Variants in ANKRD11 observed in about 807,000 individuals in gnomAD.
ANKRD11 encodes the protein ankyrin repeat domain 11.
In ANKRD11, 17 loss-of-function variants were observed where a neutral mutation model predicts 195.7. That is an observed-to-expected ratio of 0.09 (90% CI 0.06 to 0.13). The LOEUF (loss-of-function observed/expected upper bound fraction) is 0.13, where lower values mean the gene tolerates loss of function less well. ANKRD11 is among the 10% of genes least tolerant of loss of function. ANKRD11 has a pLI of 1.00. For missense variants in ANKRD11, 3,735 were observed against 3,566.1 expected (o/e 1.05, Z -1.21); for synonymous variants, 1,953 against 1,528.1 (o/e 1.28, Z -6.49).
intron 4 of ANKRD11, chr16:89,299,258 A>C (rs139089952): frequency 5.5e-6 from 1 of 181,582 alleles, no homozygotes; most frequent in Admixed American, 6.0e-5. Flanking sequence ...CTGGGAGGAG[A>C]TCTACAGGGG....
chr16:89,378,772 G>C (rs928117812), intron 2 of ANKRD11, among the ~76,000 whole-genome samples: 3 of 152,226 alleles, frequency 2.0e-5, no homozygotes, highest in African/African-American at 4.8e-5. Context: ...TTTTAGTAGA[G>C]ACGGGGTTTC....
intron 2 of ANKRD11, among the ~76,000 whole-genome samples, chr16:89,333,307 C>T (rs1338656639): frequency 6.6e-6 from 1 of 152,176 alleles, no homozygotes; most frequent in Non-Finnish European, 1.5e-5. Flanking sequence ...CCCCTGCACC[C>T]CCGGGCTCAG....
At chr16:89,407,487 G>A (rs184406187) in intron 2 of ANKRD11, among the ~76,000 whole-genome samples, 5 of 152,152 alleles carry the variant, frequency 3.3e-5, no homozygotes, top group African/African-American at 7.2e-5. Flanking sequence ...CGTTCGCCTC[G>A]TCAGGGCTGT....
intron 2 of ANKRD11, among the ~76,000 whole-genome samples, chr16:89,359,798 AAAGAT>A (rs2039651833): frequency 6.6e-6 from 1 of 152,224 alleles, no homozygotes; most frequent in Non-Finnish European, 1.5e-5. Flanking sequence ...TGTGATGCAG[AAAGAT>A]AAGATAGTTT....
Position 89,279,010 on chromosome 16 carries a change from C to G in ANKRD11, c.7470+62G>C. The G allele has an allele frequency of 6.2e-7, 1 of 1,601,068 alleles. No individual in the cohort carries two copies. Among genetic ancestry groups the G allele is most frequent in the Non-Finnish European group, 8.5e-7 (1 of 1,174,434 alleles). On this transcript the variant is annotated intron_variant, in intron 9 of 12. Transcript: ENST00000301030. The surrounding 1 kb of genome is among the most constrained non-coding windows in gnomAD (Gnocchi z 5.6). Reference sequence around the variant, plus strand: ...CAAGACGGGCTGGAGGAAGCCGTGACTAGGGGCCCCAGACGCATCCCAGAG... The same window carrying G: ...CAAGACGGGCTGGAGGAAGCCGTGAGTAGGGGCCCCAGACGCATCCCAGAG...
At chr16:89,450,983 G>C (rs1431687606) in intron 1 of ANKRD11, among the ~76,000 whole-genome samples, 1 of 152,132 alleles carries the variant, frequency 6.6e-6, no homozygotes, top group Non-Finnish European at 1.5e-5. Flanking sequence ...GAGGTGATCG[G>C]GGTGATCAGA....
intron 9 of ANKRD11, 23 bp from the exon 10 acceptor site, chr16:89,275,214 G>A (rs2151703787): frequency 1.3e-6 from 2 of 1,585,796 alleles, no homozygotes; most frequent in African/African-American, 1.3e-5. Flanking sequence ...GGTGAGTGTG[G>A]GGGGTCAGCT....
At chr16:89,411,065 G>A (rs536096499) in intron 2 of ANKRD11, among the ~76,000 whole-genome samples, 15 of 152,324 alleles carry the variant, frequency 9.8e-5, no homozygotes, top group African/African-American at 3.6e-4. Context: ...AGAGGGAGGG[G>A]CGGCCAGTGC....
At chr16:89,271,682 C>G (rs984758031) in intron 11 of ANKRD11, 3 of 152,916 alleles carry the variant, frequency 2.0e-5, no homozygotes, top group Non-Finnish European at 4.4e-5. Context: ...GCTGGGAAAA[C>G]TGGCTACGCA....
intron 2 of ANKRD11, among the ~76,000 whole-genome samples, chr16:89,332,972 G>A (rs922778403): frequency 7.2e-5 from 11 of 152,234 alleles, no homozygotes; most frequent in African/African-American, 1.9e-4. Flanking sequence ...GCTGCTCCAC[G>A]CTTCTCAGCC....
chr16:89,291,539 C>CGTGTATTGA lies in ANKRD11; in HGVS notation c.227-357_227-356insTCAATACAC, dbSNP rs1301859294. ...AGCTTAGCACCGGTGACCTGGCTCA[C>CGTGTATTGA]ACAGGACAGGTCTCTGTTCAATACA... On this transcript the variant is annotated intron_variant, in intron 4 of 12. Coordinates refer to ENST00000301030, the MANE Select transcript of ANKRD11 (RefSeq NM_013275.6). The surrounding 1 kb of genome is among the most constrained non-coding windows in gnomAD (Gnocchi z 5.3). The CGTGTATTGA allele has an allele frequency of 4.3e-6, 3 of 692,178 alleles. No homozygotes were observed. Among genetic ancestry groups the CGTGTATTGA allele is most frequent in the Non-Finnish European group, 6.9e-6 (3 of 433,736 alleles). 42.9% of individuals were successfully genotyped at this position (692,178 alleles called of 1,614,324 possible).
intron 1 of ANKRD11, among the ~76,000 whole-genome samples, chr16:89,455,694 A>C (rs1231842164): frequency 6.6e-6 from 1 of 152,132 alleles, no homozygotes; most frequent in Non-Finnish European, 1.5e-5. Context: ...TCATCCTTGG[A>C]GACAGCAGCC....
intron 1 of ANKRD11, among the ~76,000 whole-genome samples, chr16:89,480,022 A>C (rs1334814014): frequency 1.3e-5 from 2 of 150,814 alleles, no homozygotes; most frequent in African/African-American, 4.9e-5. Flanking sequence ...GAGGCAGGAG[A>C]AATGCTTGAA....
At chr16:89,278,218 C>T (rs574259668) in intron 9 of ANKRD11, 102 of 331,398 alleles carry the variant, frequency 3.1e-4, no homozygotes, top group Non-Finnish European at 4.3e-4. Context: ...CAGGGGAGGC[C>T]GTGCACAGCT....
intron 4 of ANKRD11, among the ~76,000 whole-genome samples, chr16:89,292,557 T>C (rs932472014): frequency 2.0e-5 from 3 of 151,900 alleles, no homozygotes; most frequent in Non-Finnish European, 2.9e-5. Context: ...GTATGTCCTA[T>C]GGGACAAGCC....
At chr16:89,453,410 G>A (rs1014482552) in intron 1 of ANKRD11, among the ~76,000 whole-genome samples, 1 of 152,112 alleles carries the variant, frequency 6.6e-6, no homozygotes, top group Non-Finnish European at 1.5e-5. Context: ...TTTCTAATAG[G>A]AATTTCAACT....
Position 89,271,146 on chromosome 16 carries a change from C to T in ANKRD11, c.7714-237G>A, listed in dbSNP as rs536286870. 475 of 568,736 alleles carry T rather than the reference C, an allele frequency of 8.4e-4. 6 individuals are homozygous for T. Among genetic ancestry groups the T allele is most frequent in the South Asian group, 6.4e-3 (347 of 53,930 alleles). 35.2% of individuals were successfully genotyped at this position (568,736 alleles called of 1,614,324 possible). On this transcript the variant is annotated intron_variant, in intron 11 of 12. Coordinates refer to ENST00000301030, the MANE Select transcript of ANKRD11 (RefSeq NM_013275.6). ...AGCTGGGCCTTTGTCTCCTGGGCAC[C>T]GGGTGCCCGCAGGCCCCACCTGTGA...
intron 1 of ANKRD11, among the ~76,000 whole-genome samples, chr16:89,465,308 T>C (rs985895344): frequency 1.3e-5 from 2 of 152,108 alleles, no homozygotes; most frequent in African/African-American, 2.4e-5. Context: ...AATAGCAAAA[T>C]GTCAGACTCC....
Position 89,291,433 on chromosome 16 carries a change from G to A in ANKRD11, c.227-250C>T, listed in dbSNP as rs1461904642. Among the ~76,000 whole-genome samples the A allele has an allele frequency of 6.6e-6, 1 of 152,086 alleles. No individual in the cohort carries two copies. Among genetic ancestry groups the A allele is most frequent in the Non-Finnish European group, 1.5e-5 (1 of 68,018 alleles). ...AGCCCCTCAAGTCTGCTAAGCCTGGGCCTCCACCGAGCATCCACTCACTCC... is the reference window on the plus strand; with the variant it reads ...AGCCCCTCAAGTCTGCTAAGCCTGGACCTCCACCGAGCATCCACTCACTCC... On this transcript the variant is annotated intron_variant, in intron 4 of 12. Transcript: ENST00000301030. This position sits in a 1 kb window ranked among gnomAD's most constrained non-coding sequence, Gnocchi z 5.3.
Sources: gnomAD v4.1 joint callset for allele counts (sites outside exome capture counted in the v4.1 genomes callset) on GRCh38, gnomAD v4.1.1 for gene constraint, Gnocchi (gnomAD v3.1) non-coding constraint, MANE v1.5 for transcripts, NCBI Gene and HGNC (gene_info 2026-07-23, HGNC 2026-07-21) for gene names.